The following CFAP47 variants were observed in gnomAD, a reference collection of about 807,000 sequenced individuals.
CFAP47 encodes the protein cilia and flagella associated protein 47, also known as cilia- and flagella-associated protein 47.
In CFAP47, 29 loss-of-function variants were observed where a neutral mutation model predicts 148.1. That is an observed-to-expected ratio of 0.20 (90% CI 0.15 to 0.27). CFAP47 has a LOEUF of 0.27. CFAP47 is among the 10% of genes least tolerant of loss of function. The pLI is 1.00. For synonymous variants in CFAP47, 664 were observed against 577.3 expected, an observed-to-expected ratio of 1.15 and a Z score of -2.15; for missense variants, 1,872 against 1,697.5, an observed-to-expected ratio of 1.10 and a Z score of -1.81.
intron 40 of CFAP47, among the ~76,000 whole-genome samples, chrX:36,184,935 G>GAA (rs781889464): frequency 0.019 from 1,562 of 82,356 alleles, 41 homozygotes; most frequent in African/African-American, 0.064. Flanking sequence ...CTTCGTCTCA[G>GAA]AAAAAAAAAA....
At chrX:36,061,133 A>ATTT (rs1937590512) in intron 26 of CFAP47, among the ~76,000 whole-genome samples, 1 of 110,111 alleles carries the variant, frequency 9.1e-6, no homozygotes, top group South Asian at 3.9e-4. Context: ...TGGTTGTTTA[A>ATTT]AAGTGTGTAG....
At chrX:35,951,551 A>G (rs1936166876) in intron 5 of CFAP47, among the ~76,000 whole-genome samples, 192 bp downstream of exon 5, 2 of 112,101 alleles carry the variant, frequency 1.8e-5, no homozygotes, top group African/African-American at 6.5e-5. Flanking sequence ...AGTAATATAT[A>G]TCTGAAGTAA....
chrX:36,132,925 A>G (rs1938973977), intron 33 of CFAP47, among the ~76,000 whole-genome samples: 1 of 111,899 alleles, frequency 8.9e-6, no homozygotes, highest in African/African-American at 3.2e-5. Context: ...CCTTATAACA[A>G]CAATGAAAGT....
intron 49 of CFAP47, among the ~76,000 whole-genome samples, chrX:36,263,237 A>G (rs1231250895): frequency 8.9e-6 from 1 of 111,890 alleles, no homozygotes; most frequent in Non-Finnish European, 1.9e-5. Flanking sequence ...GGCCTATAAA[A>G]TTTCCACTGA....
chrX:36,087,920 T>C (rs762321081), intron 30 of CFAP47, among the ~76,000 whole-genome samples: 15 of 111,642 alleles, frequency 1.3e-4, no homozygotes, highest in African/African-American at 4.9e-4. Context: ...AAGTCCAAGA[T>C]CAAGGTATTG....
intron 39 of CFAP47, among the ~76,000 whole-genome samples, chrX:36,176,851 C>A (rs771890317): frequency 8.9e-6 from 1 of 112,054 alleles, no homozygotes; most frequent in African/African-American, 3.2e-5. Flanking sequence ...TTGCAGTGAG[C>A]GGAGATTGTG....
chrX:35,956,690 GA>G (rs1434092986), intron 8 of CFAP47, among the ~76,000 whole-genome samples: 3 of 111,575 alleles, frequency 2.7e-5, no homozygotes, highest in African/African-American at 9.8e-5. Flanking sequence ...AGCAGAAAAA[GA>G]GAATGCCAAG....
intron 26 of CFAP47, among the ~76,000 whole-genome samples, chrX:36,048,281 G>A (rs1937489963): frequency 9.0e-6 from 1 of 111,681 alleles, no homozygotes; most frequent in African/African-American, 3.3e-5. Flanking sequence ...CAAACCATGT[G>A]TGTACTCTGC....
chrX:36,287,753 G>C (rs941079103), intron 51 of CFAP47, among the ~76,000 whole-genome samples: 1 of 111,382 alleles, frequency 9.0e-6, no homozygotes, highest in African/African-American at 3.3e-5. Context: ...GTTTTCTCAC[G>C]TTTCTAGTCG....
chrX:36,322,043 G>A, intron 57 of CFAP47, among the ~76,000 whole-genome samples: 1 of 110,812 alleles, frequency 9.0e-6, no homozygotes, highest in Non-Finnish European at 1.9e-5. Flanking sequence ...CTTTTTTGCT[G>A]TGTAATGAAA....
At chrX:36,126,412 C>A (rs1428634546) in intron 33 of CFAP47, among the ~76,000 whole-genome samples, 1 of 111,469 alleles carries the variant, frequency 9.0e-6, no homozygotes, top group Non-Finnish European at 1.9e-5. Context: ...CATGTCCCTG[C>A]AAAGGACATG....
chrX:36,379,214 A>G (rs920490594), intron 62 of CFAP47, 136 bp from the exon 63 acceptor site: 18 of 528,178 alleles, frequency 3.4e-5, no homozygotes, highest in Non-Finnish European at 5.3e-5. Context: ...CCTCCTCACT[A>G]TTATTTGGTA....
intron 63 of CFAP47, 151 bp downstream of exon 63, chrX:36,379,669 TTTACC>T: frequency 2.1e-6 from 1 of 465,223 alleles, no homozygotes; most frequent in Non-Finnish European, 3.7e-6. Context: ...TACATCTTGG[TTTACC>T]TTTCTTTTGT....
At chrX:36,240,756 C>G (rs782610006) in intron 48 of CFAP47, among the ~76,000 whole-genome samples, 6 of 111,429 alleles carry the variant, frequency 5.4e-5, no homozygotes, top group Non-Finnish European at 1.1e-4. Flanking sequence ...AAACTTTAAA[C>G]CACATATCCA....
chrX:36,241,460 C>T (rs1940542829), intron 48 of CFAP47, among the ~76,000 whole-genome samples: 1 of 111,912 alleles, frequency 8.9e-6, no homozygotes, highest in South Asian at 3.7e-4. Context: ...GCCAGCATCT[C>T]CCAGGGCACC....
intron 57 of CFAP47, among the ~76,000 whole-genome samples, chrX:36,332,290 A>C (rs781918805): frequency 7.5e-5 from 5 of 66,538 alleles, no homozygotes; most frequent in Non-Finnish European, 1.2e-4. Flanking sequence ...TTACAACTGA[A>C]CTAAAATTAT....
intron 32 of CFAP47, among the ~76,000 whole-genome samples, chrX:36,103,802 T>G (rs1938422122): frequency 9.0e-6 from 1 of 111,580 alleles, no homozygotes; most frequent in Non-Finnish European, 1.9e-5. Context: ...CACAAGCTGT[T>G]CATCTCATCT....
In CFAP47 at chrX:36,173,327, C is replaced by G. The variant is rs1352498446; in HGVS notation, c.6027-6018C>G. On this transcript the variant is annotated intron_variant, in intron 39 of 63. Transcript: ENST00000378653. ...AGTTCTGCTCTGATTTTAGTTATTT[C>G]TTGCCTTCTGCTAGCTTTTGGATGT... is the stretch of plus-strand genomic sequence containing the variant. 3.6e-5 allele frequency among the ~76,000 whole-genome samples: 4 copies of G among 111,323 alleles called. No individual in the cohort carries two copies. In the East Asian group the frequency reaches 1.1e-3, roughly 32 times the overall value.
At chrX:35,955,873 G>T in intron 7 of CFAP47, 88 bp from the exon 8 acceptor site, 1 of 1,134,185 alleles carries the variant, frequency 8.8e-7, no homozygotes, top group South Asian at 2.1e-5. Context: ...ATTTGCATTA[G>T]GTATTTCAGA....
Sources: allele counts gnomAD v4.1 joint callset (sites outside exome capture counted in the v4.1 genomes callset), GRCh38; gene constraint gnomAD v4.1.1; transcripts MANE v1.5; gene names NCBI Gene and HGNC (gene_info 2026-07-23, HGNC 2026-07-21).